DESI1: variants seen among roughly 807,000 people sequenced by gnomAD.
The protein encoded by DESI1 is PPPDE peptidase domain containing 2.
A neutral mutation model predicts 22.4 loss-of-function variants in DESI1; 17 were observed. That is an observed-to-expected ratio of 0.76 (90% CI 0.52 to 1.14). The LOEUF (loss-of-function observed/expected upper bound fraction) is 1.14. Among genes scored for constraint, DESI1 ranks in the 50% most tolerant of loss-of-function variants. The pLI is 0.00. For missense variants in DESI1, 177 were observed against 208.9 expected (o/e 0.85, Z 0.94); for synonymous variants, 92 against 84.2 (o/e 1.09, Z -0.51).
chr22:41,620,197 T>TG (rs2067577290), intron 1 of DESI1, among the ~76,000 whole-genome samples: 1 of 152,156 alleles, frequency 6.6e-6, no homozygotes, highest in South Asian at 2.1e-4. Flanking sequence ...TTGACCTACC[T>TG]GGGGGCGATG....
At chr22:41,602,218 G>C (rs543347270) in intron 5 of DESI1, 2 of 985,442 alleles carry the variant, frequency 2.0e-6, no homozygotes, top group Admixed American at 1.2e-4. Flanking sequence ...GTACTCCAAA[G>C]TATAGACAGA....
At position 41,601,700 on chromosome 22, in the gene DESI1, A is replaced by G. The variant is rs548032033; in HGVS notation, c.414-510T>C. Among the ~76,000 whole-genome samples, 9 of 152,260 alleles carry G rather than the reference A, an allele frequency of 5.9e-5. No individual in the cohort carries two copies. In the South Asian group the frequency reaches 8.3e-4, roughly 14 times the overall value. The stretch of plus-strand genomic sequence containing the variant: ...ATATTCTGGAAAAATGACAAATGCT[A>G]GGTTGCCAGTATTAATGCCTTTCTT... On this transcript the variant is annotated intron_variant, in intron 5 of 5. Transcript: ENST00000263256.
intron 1 of DESI1, among the ~76,000 whole-genome samples, chr22:41,618,743 G>C (rs1252698720): frequency 6.6e-6 from 1 of 152,120 alleles, no homozygotes; most frequent in African/African-American, 2.4e-5. Flanking sequence ...CAACTAAATG[G>C]CTCCATTCCA....
chr22:41,604,658 C>T (rs924114991), intron 3 of DESI1, among the ~76,000 whole-genome samples: 1 of 151,858 alleles, frequency 6.6e-6, no homozygotes, highest in Non-Finnish European at 1.5e-5. Flanking sequence ...TTTGGCTTCC[C>T]TGAGGCACAC....
intron 1 of DESI1, among the ~76,000 whole-genome samples, chr22:41,612,090 C>G (rs543623284): frequency 1.1e-4 from 16 of 152,134 alleles, no homozygotes; most frequent in Non-Finnish European, 2.1e-4. Flanking sequence ...ACTAAGGATA[C>G]ATCAGTAAAC....
intron 1 of DESI1, among the ~76,000 whole-genome samples, chr22:41,619,379 G>A (rs1352409983): frequency 6.6e-6 from 1 of 152,162 alleles, no homozygotes; most frequent in Non-Finnish European, 1.5e-5. Context: ...CAGGTCCAGA[G>A]GTAAGAAACA....
In DESI1 at chr22:41,604,071, A is replaced by G; in HGVS notation, c.263T>C (p.Leu88Pro). ...EVTEEIFLEY[L>P]SSLGESLFRG... The stretch of plus-strand genomic sequence containing the variant: ...GAACAGGGACTCCCCCAGGGAGGAG[A>G]GGTACTCCAGAAAGATTTCTTCTGT... The change falls in exon 4 of 6, where the codon CTC becomes CCC. Residue 88 changes from leucine to proline, a missense_variant. Leu to Pro is a moderately conservative substitution (Grantham distance 98). Transcript: ENST00000263256. The G allele has an allele frequency of 6.2e-7, 1 of 1,613,644 alleles. No individual in the cohort carries two copies. The highest frequency in any genetic ancestry group is 8.5e-7 in the Non-Finnish European group (1 of 1,179,902).
At chr22:41,617,807 T>C (rs938093801) in intron 1 of DESI1, among the ~76,000 whole-genome samples, 15 of 152,168 alleles carry the variant, frequency 9.9e-5, no homozygotes, top group African/African-American at 3.4e-4. Context: ...TTTACATCTA[T>C]ATAAAAGGGC....
At chr22:41,608,548 G>A (rs1184169698) in intron 1 of DESI1, among the ~76,000 whole-genome samples, 6 of 152,178 alleles carry the variant, frequency 3.9e-5, no homozygotes, top group Non-Finnish European at 7.3e-5. Context: ...AGAACAAGAT[G>A]TGCACATGCA....
chr22:41,618,642 G>T (rs560407135), intron 1 of DESI1, among the ~76,000 whole-genome samples: 1 of 151,546 alleles, frequency 6.6e-6, no homozygotes, highest in Non-Finnish European at 1.5e-5. Flanking sequence ...ATAATTATTA[G>T]GTAATAGGAT....
Position 41,599,411 on chromosome 22 carries a change from TCATTAGGAAAATGC to T in DESI1, c.*1672_*1685del, listed in dbSNP as rs1178062064. The T allele has an allele frequency of 6.6e-6, 1 of 152,164 alleles. No homozygotes were observed. Among genetic ancestry groups the T allele is most frequent in the Non-Finnish European group, 1.5e-5 (1 of 68,034 alleles). The allele number at this position is 152,164 out of a possible 1,614,324, so 9.4% of individuals were successfully genotyped here. A position where few individuals can be genotyped will look rare whatever the true frequency, so the allele number is the denominator to read the frequency against. On this transcript the variant is annotated 3_prime_UTR_variant, in exon 6 of 6. Coordinates refer to ENST00000263256, the MANE Select transcript of DESI1 (RefSeq NM_015704.3). ...CTGCCTATAACCTCCTAGCAGCAAGTCATTAGGAAAATGCCCACTCATGCCCCAACCTGCCTTTC... is the reference window on the plus strand; with the variant it reads ...CTGCCTATAACCTCCTAGCAGCAAGTCCACTCATGCCCCAACCTGCCTTTC...
intron 1 of DESI1, among the ~76,000 whole-genome samples, chr22:41,615,916 A>T (rs1427802358): frequency 1.3e-5 from 2 of 152,220 alleles, no homozygotes; most frequent in African/African-American, 4.8e-5. Context: ...CATTATTTAA[A>T]GGAAAATAAT....
At chr22:41,609,771 A>G (rs2067505207) in intron 1 of DESI1, among the ~76,000 whole-genome samples, 1 of 151,534 alleles carries the variant, frequency 6.6e-6, no homozygotes, top group Admixed American at 6.6e-5. Context: ...CCTGGGCAAC[A>G]GAGTGAGACC....
chr22:41,601,885 T>C (rs1487986522), intron 5 of DESI1: 4 of 152,188 alleles, frequency 2.6e-5, no homozygotes, highest in South Asian at 2.1e-4. Context: ...GGCTAATTTT[T>C]TATTTTCAGT....
intron 1 of DESI1, among the ~76,000 whole-genome samples, chr22:41,611,744 C>T (rs2067518864): frequency 6.6e-6 from 1 of 152,086 alleles, no homozygotes; most frequent in African/African-American, 2.4e-5. Flanking sequence ...AGGCGCTCAC[C>T]ACCACGCCTG....
At chr22:41,615,098 T>C (rs1375983909) in intron 1 of DESI1, among the ~76,000 whole-genome samples, 2 of 136,998 alleles carry the variant, frequency 1.5e-5, no homozygotes, top group African/African-American at 5.5e-5. Context: ...GGAGATCAAG[T>C]CCATCCTGGC....
chr22:41,601,780 C>G (rs1006974179), intron 5 of DESI1, among the ~76,000 whole-genome samples: 1 of 152,174 alleles, frequency 6.6e-6, no homozygotes, highest in African/African-American at 2.4e-5. Flanking sequence ...ATGGCGTGAT[C>G]TCGGCTCACT....
At chr22:41,614,866 T>G (rs1168336105) in intron 1 of DESI1, among the ~76,000 whole-genome samples, 2 of 150,292 alleles carry the variant, frequency 1.3e-5, no homozygotes, top group African/African-American at 4.9e-5. Context: ...ATTACAGGCA[T>G]AAGCCACCTC....
At chr22:41,610,507 G>C (rs941768856) in intron 1 of DESI1, among the ~76,000 whole-genome samples, 3 of 152,160 alleles carry the variant, frequency 2.0e-5, no homozygotes, top group African/African-American at 7.2e-5. Flanking sequence ...TGCTGTTAGT[G>C]TTCCCAGGCT....
Sources: allele counts gnomAD v4.1 joint callset (sites outside exome capture counted in the v4.1 genomes callset), GRCh38; gene constraint gnomAD v4.1.1; transcripts MANE v1.5; gene names NCBI Gene and HGNC (gene_info 2026-07-23, HGNC 2026-07-21).